Variants in PRKCG observed in about 807,000 individuals in gnomAD.
PRKCG encodes protein kinase C gamma.
A neutral mutation model predicts 82.0 loss-of-function variants in PRKCG; 28 were observed. The ratio of observed to expected loss-of-function variants is 0.34; its 90% CI spans 0.25 to 0.47. The LOEUF is 0.47. Ranked by LOEUF, PRKCG falls within the 20% of genes least tolerant of loss-of-function variation. PRKCG has a pLI of 1.00. For missense variants in PRKCG, 640 were observed against 952.7 expected (o/e 0.67, Z 4.32); for synonymous variants, 383 against 376.6 (o/e 1.02, Z -0.20).
chr19:53,883,230 G>A lies in PRKCG; in HGVS notation c.202+36G>A. 2 of 1,613,504 alleles carry A rather than the reference G, an allele frequency of 1.2e-6. No individual in the cohort carries two copies. The highest frequency in any genetic ancestry group is 1.1e-5 in the South Asian group (1 of 91,074). ...GGGACCGGGGCTCCTGGGACCCTCA[G>A]GAGGGTGGAGGCTGGGGCCCCACAG... On this transcript the variant is annotated intron_variant, in intron 2 of 17. Coordinates refer to ENST00000263431, the MANE Select transcript of PRKCG (RefSeq NM_002739.5). The surrounding 1 kb of genome is among the most constrained non-coding windows in gnomAD (Gnocchi z 5.4).
rs775116364 is a variant in PRKCG at position 53,884,128 on chromosome 19, C to G, written c.203-33C>G. 3.7e-6 allele frequency: 6 copies of G among 1,608,646 alleles called. No homozygotes were observed. The highest frequency in any genetic ancestry group is 4.3e-6 in the Non-Finnish European group (5 of 1,175,400). On this transcript the variant is annotated intron_variant, in intron 2 of 17. Coordinates refer to ENST00000263431, the MANE Select transcript of PRKCG (RefSeq NM_002739.5). This position sits in a 1 kb window ranked among gnomAD's most constrained non-coding sequence, Gnocchi z 4.6. ...GGTCTCCCGCTGGACTAATCCATGC[C>G]TCCGTCTGTGTCTCTATGATTTTCA...
Position 53,889,596 on chromosome 19 carries a change from G to T in PRKCG, c.286-42G>T, listed in dbSNP as rs765682391. The T allele has an allele frequency of 1.3e-5, 20 of 1,519,872 alleles. No homozygotes were observed. In the Admixed American group the frequency reaches 2.5e-4, roughly 19 times the overall value. 94.1% of individuals were successfully genotyped at this position (1,519,872 alleles called of 1,614,324 possible). A position where few individuals can be genotyped will look rare whatever the true frequency, so the allele number is the denominator to read the frequency against. On this transcript the variant is annotated intron_variant, in intron 3 of 17. Transcript: ENST00000263431. This position sits in a 1 kb window ranked among gnomAD's most constrained non-coding sequence, Gnocchi z 4.4. Reference sequence around the variant, plus strand: ...AAGGGCCCCTCCCCTGGGGTTTTAGGACCCTCCCAACGCCCCCTAAGCCAG... The same window carrying T: ...AAGGGCCCCTCCCCTGGGGTTTTAGTACCCTCCCAACGCCCCCTAAGCCAG...
intron 15 of PRKCG, among the ~76,000 whole-genome samples, chr19:53,903,674 T>A (rs2068781132): frequency 6.6e-6 from 1 of 152,050 alleles, no homozygotes; most frequent in Admixed American, 6.6e-5. Context: ...GCCCAAGAAC[T>A]CAAGGTTACA....
intron 17 of PRKCG, 105 bp downstream of exon 17, chr19:53,906,562 C>T: frequency 6.4e-7 from 1 of 1,564,452 alleles, no homozygotes; most frequent in Non-Finnish European, 8.7e-7. Flanking sequence ...TGCAGAGCCC[C>T]CCGCCCCCAA....
intron 3 of PRKCG, among the ~76,000 whole-genome samples, chr19:53,885,061 C>T (rs1334141616): frequency 2.0e-5 from 3 of 152,160 alleles, no homozygotes; most frequent in African/African-American, 7.2e-5. Context: ...GGCTGATGAT[C>T]TAGCATTGAC....
chr19:53,891,614 G>A (rs2122993871), intron 5 of PRKCG, 60 bp from the exon 6 acceptor site: 2 of 1,595,100 alleles, frequency 1.3e-6, no homozygotes, highest in East Asian at 2.2e-5. Flanking sequence ...GACTGGAGGA[G>A]GGCTGGGAGC....
At chr19:53,887,165 G>C (rs893521803) in intron 3 of PRKCG, among the ~76,000 whole-genome samples, 2 of 151,930 alleles carry the variant, frequency 1.3e-5, no homozygotes, top group Non-Finnish European at 2.9e-5. Flanking sequence ...TTGACCTCCG[G>C]GGCTCAAGTG....
At chr19:53,906,081 C>CTTCTTCTT (rs1568763987) in intron 16 of PRKCG, among the ~76,000 whole-genome samples, 58 of 35,438 alleles carry the variant, frequency 1.6e-3, no homozygotes, top group East Asian at 3.2e-3. Context: ...TCCTCCTCCT[C>CTTCTTCTT]CTCCTTCTTC....
rs1192424800 is a variant in PRKCG at position 53,889,900 on chromosome 19, G to A, written c.412G>A (p.Val138Met). 6.3e-7 allele frequency: 1 copy of A among 1,584,944 alleles called. No homozygotes were observed. The highest frequency in any genetic ancestry group is 1.8e-5 in the Admixed American group (1 of 56,080). Reference protein sequence around the residue: ...GMKCSCCEMNVHRRCVRSVPS... With the variant: ...GMKCSCCEMNMHRRCVRSVPS... ...TTCCCCTCCAGGCTGCGAGATGAAC[G>A]TGCACCGGCGCTGTGTGCGTAGCGT... is the stretch of plus-strand genomic sequence containing the variant. Residue 138 changes from valine (V) to methionine (M), a missense_variant, in exon 5 of 18, where the codon GTG (valine) becomes ATG (methionine). By Grantham distance (21) the Val-to-Met change is conservative. Coordinates refer to ENST00000263431, the MANE Select transcript of PRKCG (RefSeq NM_002739.5). The surrounding 1 kb of genome is among the most constrained non-coding windows in gnomAD (Gnocchi z 4.4).
intron 15 of PRKCG, 39 bp from the exon 16 acceptor site, chr19:53,904,596 G>T (rs2068787881): frequency 1.3e-6 from 2 of 1,572,496 alleles, no homozygotes; most frequent in Non-Finnish European, 1.7e-6. Context: ...AAAGGCAGTT[G>T]GGCATGTCCC....
At chr19:53,897,392 A>C (rs2068725596) in intron 9 of PRKCG, among the ~76,000 whole-genome samples, 1 of 152,138 alleles carries the variant, frequency 6.6e-6, no homozygotes, top group Non-Finnish European at 1.5e-5. Context: ...ACCCTAGCTG[A>C]AAGCCAGGTG....
intron 3 of PRKCG, among the ~76,000 whole-genome samples, chr19:53,886,589 G>A (rs909824348): frequency 6.6e-6 from 1 of 151,786 alleles, no homozygotes; most frequent in Non-Finnish European, 1.5e-5. Context: ...AAATGTTTTT[G>A]TAGAGATGGA....
chr19:53,897,758 G>A (rs753815732), intron 9 of PRKCG, among the ~76,000 whole-genome samples: 9 of 151,756 alleles, frequency 5.9e-5, no homozygotes, highest in Non-Finnish European at 1.0e-4. Flanking sequence ...AGAGCTAAGT[G>A]TTTGTTGAAT....
In PRKCG at chr19:53,898,131, G is replaced by T; in HGVS notation, c.1092+20G>T. ...GGGAAGGTTGGATTCCTGGGGTTCT[G>T]GGGGAAAGGGAGGATGTCTGTGGGA... On this transcript the variant is annotated intron_variant, in intron 10 of 17. Transcript: ENST00000263431. 1 of 1,613,318 alleles carries T rather than the reference G, an allele frequency of 6.2e-7. No individual in the cohort carries two copies. The highest frequency in any genetic ancestry group is 8.5e-7 in the Non-Finnish European group (1 of 1,179,588).
Position 53,889,520 on chromosome 19 carries a change from A to G in PRKCG, c.286-118A>G. Reference sequence around the variant, plus strand: ...AATGATTATTGGTACATAGAGTGAAAGAGATGGAGCCTCAGGCTGACCTAG... The same window carrying G: ...AATGATTATTGGTACATAGAGTGAAGGAGATGGAGCCTCAGGCTGACCTAG... On this transcript the variant is annotated intron_variant, in intron 3 of 17. Coordinates refer to ENST00000263431, the MANE Select transcript of PRKCG (RefSeq NM_002739.5). The surrounding 1 kb of genome is among the most constrained non-coding windows in gnomAD (Gnocchi z 4.4). 1.3e-6 allele frequency: 1 copy of G among 752,292 alleles called. No individual in the cohort carries two copies. The highest frequency in any genetic ancestry group is 2.7e-5 in the East Asian group (1 of 37,256). 46.6% of individuals were successfully genotyped at this position (752,292 alleles called of 1,614,324 possible).
rs1336500466 is a variant in PRKCG at position 53,900,708 on chromosome 19, A to G, written c.1534A>G (p.Thr512Ala). 1.2e-6 allele frequency: 2 copies of G among 1,614,150 alleles called. No individual in the cohort carries two copies. Among genetic ancestry groups the G allele is most frequent in the Admixed American group, 1.7e-5 (1 of 60,018 alleles). ...CKENVFPGTT[T>A]RTFCGTPDYI... ...GGAGAACGTCTTCCCCGGGACGACA[A>G]CCCGCACCTTCTGCGGGACCCCGGA... The change falls in exon 14 of 18, where the codon ACC becomes GCC. Residue 512 changes from threonine to alanine, a missense_variant. Thr to Ala is a moderately conservative substitution (Grantham distance 58). This residue lies in a region of PRKCG where 198 missense variants were observed against 273.4 expected (regional missense o/e 0.72). Transcript: ENST00000263431. The surrounding 1 kb of genome is among the most constrained non-coding windows in gnomAD (Gnocchi z 4.2).
chr19:53,883,140 C>A lies in PRKCG; in HGVS notation c.171-23C>A. Reference sequence around the variant, plus strand: ...GTCCAGGTACCCCTTTCTGCACTGACCTAGGATCCCTGACTCTTCCAGGGG... The same window carrying A: ...GTCCAGGTACCCCTTTCTGCACTGAACTAGGATCCCTGACTCTTCCAGGGG... On this transcript the variant is annotated intron_variant, in intron 1 of 17. Transcript: ENST00000263431. This position sits in a 1 kb window ranked among gnomAD's most constrained non-coding sequence, Gnocchi z 5.4. 6.2e-7 allele frequency: 1 copy of A among 1,613,980 alleles called. No homozygotes were observed. Among genetic ancestry groups the A allele is most frequent in the South Asian group, 1.1e-5 (1 of 91,080 alleles).
rs377593245 is a variant in PRKCG at position 53,897,956 on chromosome 19, C to T, written c.940-3C>T. On this transcript the variant is annotated splice_polypyrimidine_tract_variant and splice_region_variant and intron_variant, in intron 9 of 17. Transcript: ENST00000263431. ...TCTGGCTCTTTCTTTCTCCTTTCCACAGCGGGTGCGGATGGGCCCCTCTTC... is the reference window on the plus strand; with the variant it reads ...TCTGGCTCTTTCTTTCTCCTTTCCATAGCGGGTGCGGATGGGCCCCTCTTC... 114 of 1,613,984 alleles carry T rather than the reference C, an allele frequency of 7.1e-5. No individual in the cohort carries two copies. The highest frequency in any genetic ancestry group is 8.3e-5 in the Admixed American group (5 of 59,978).
chr19:53,890,023 G>C lies in PRKCG; in HGVS notation c.529+6G>C, dbSNP rs1266374265. ...AGATGAGATCCACGTAACTGGTGAGGCCCCGCCCCCTCGCCTGGCCCCGCC... is the reference window on the plus strand; with the variant it reads ...AGATGAGATCCACGTAACTGGTGAGCCCCCGCCCCCTCGCCTGGCCCCGCC... On this transcript the variant is annotated splice_donor_region_variant and intron_variant, in intron 5 of 17. Coordinates refer to ENST00000263431, the MANE Select transcript of PRKCG (RefSeq NM_002739.5). The C allele has an allele frequency of 1.3e-6, 2 of 1,556,062 alleles. No homozygotes were observed. The highest frequency in any genetic ancestry group is 8.7e-7 in the Non-Finnish European group (1 of 1,153,116).
Sources: allele counts gnomAD v4.1 joint callset (sites outside exome capture counted in the v4.1 genomes callset), GRCh38; gene constraint gnomAD v4.1.1; regional missense constraint gnomAD v4.1.1; non-coding constraint Gnocchi (gnomAD v3.1); transcripts MANE v1.5; gene names NCBI Gene and HGNC (gene_info 2026-07-23, HGNC 2026-07-21).